The following PITPNA variants were observed in gnomAD, a reference collection of about 807,000 sequenced individuals.
The protein encoded by PITPNA is phosphatidylinositol transfer protein alpha.
Under a neutral mutation model 50.3 loss-of-function variants are expected in PITPNA, and 13 were observed. The observed-to-expected ratio is 0.26, with a 90% CI of 0.17 to 0.41. The LOEUF is 0.41. Ranked by LOEUF, PITPNA falls within the 10% of genes least tolerant of loss-of-function variation. The pLI, the probability that PITPNA is intolerant of heterozygous loss-of-function variation, is 1.00. For synonymous variants in PITPNA, 120 were observed against 119.6 expected (o/e 1.00, Z -0.02); for missense variants, 207 against 333.4 (o/e 0.62, Z 2.95).
intron 10 of PITPNA, among the ~76,000 whole-genome samples, chr17:1,522,751 C>T (rs1271101431): frequency 6.6e-6 from 1 of 152,232 alleles, no homozygotes; most frequent in East Asian, 1.9e-4. Context: ...GACCAGTTCT[C>T]TCCTCAAGGA....
intron 6 of PITPNA, among the ~76,000 whole-genome samples, chr17:1,541,259 G>A (rs1261253873): frequency 6.6e-6 from 1 of 152,060 alleles, no homozygotes; most frequent in African/African-American, 2.4e-5. Context: ...TTTATTTTTT[G>A]GGAGTTACTG....
Position 1,518,821 on chromosome 17 carries a change from TG to T in PITPNA, c.*1739del, listed in dbSNP as rs2075490686. 1 of 152,236 alleles carries T rather than the reference TG, an allele frequency of 6.6e-6. No individual in the cohort carries two copies. The highest frequency in any genetic ancestry group is 2.1e-4 in the South Asian group (1 of 4,832). The allele number at this position is 152,236 out of a possible 1,614,324, so 9.4% of individuals were successfully genotyped here. On this transcript the variant is annotated 3_prime_UTR_variant, in exon 12 of 12. Coordinates refer to ENST00000313486, the MANE Select transcript of PITPNA (RefSeq NM_006224.4). The stretch of plus-strand genomic sequence containing the variant: ...TAACACAGAGCTTATAGGAAAACAC[TG>T]ACATTTTTCTCCAGTAGGAATGCCT...
chr17:1,524,286 C>T (rs1269759916), intron 10 of PITPNA, among the ~76,000 whole-genome samples: 15 of 150,462 alleles, frequency 1.0e-4, no homozygotes, highest in East Asian at 9.9e-4. Flanking sequence ...CCTCATGATC[C>T]GCCCGCCTTG....
rs1340430399 is a variant in PITPNA at position 1,541,789 on chromosome 17, C to T, written c.298-149G>A. On this transcript the variant is annotated intron_variant, in intron 5 of 11. Coordinates refer to ENST00000313486, the MANE Select transcript of PITPNA (RefSeq NM_006224.4). Reference sequence around the variant, plus strand: ...TAATAACAGTTAACTTGACTGGGAGCCCACGACACACTAGGCATGTATTAT... The same window carrying T: ...TAATAACAGTTAACTTGACTGGGAGTCCACGACACACTAGGCATGTATTAT... 4.2e-6 allele frequency: 3 copies of T among 711,810 alleles called. No homozygotes were observed. The Admixed American group carries it at 6.0e-5, about 14-fold the overall frequency. 44.1% of individuals were successfully genotyped at this position (711,810 alleles called of 1,614,324 possible). A position where few individuals can be genotyped will look rare whatever the true frequency, so the allele number is the denominator to read the frequency against.
intron 10 of PITPNA, among the ~76,000 whole-genome samples, chr17:1,528,397 C>G (rs2075560477): frequency 6.6e-6 from 1 of 152,196 alleles, no homozygotes; most frequent in African/African-American, 2.4e-5. Flanking sequence ...CAACTTTAGC[C>G]TCCCAAAGTG....
intron 6 of PITPNA, among the ~76,000 whole-genome samples, chr17:1,541,349 A>C (rs2075646909): frequency 6.6e-6 from 1 of 152,176 alleles, no homozygotes; most frequent in South Asian, 2.1e-4. Context: ...CACCAATCCA[A>C]GCAGTACGAG....
intron 2 of PITPNA, among the ~76,000 whole-genome samples, chr17:1,557,980 C>T (rs887403344): frequency 6.6e-5 from 10 of 152,222 alleles, no homozygotes; most frequent in Admixed American, 2.6e-4. Context: ...CCTGTCATCC[C>T]AGCACTTTGG....
At chr17:1,545,367 C>G (rs886894435) in intron 4 of PITPNA, among the ~76,000 whole-genome samples, 2 of 152,248 alleles carry the variant, frequency 1.3e-5, no homozygotes, top group Non-Finnish European at 2.9e-5. Flanking sequence ...GCTAAGATGT[C>G]TGAACTAATA....
intron 10 of PITPNA, among the ~76,000 whole-genome samples, chr17:1,528,323 T>G (rs1202458915): frequency 6.6e-6 from 1 of 152,226 alleles, no homozygotes; most frequent in Non-Finnish European, 1.5e-5. Flanking sequence ...GTATTTTTAG[T>G]AGAGACGGGG....
rs780319321 is a variant in PITPNA at position 1,538,911 on chromosome 17, G to A, written c.414C>T (p.Ala138=). 3.1e-6 allele frequency: 5 copies of A among 1,613,558 alleles called. No individual in the cohort carries two copies. The South Asian group carries it at 3.3e-5, about 11-fold the overall frequency. Reference sequence around the variant, plus strand: ...TTCGATCTGCAATGTCTATATATACGGCTTCCACGTGTTTCCACGCCTCAG... The same window carrying A: ...TTCGATCTGCAATGTCTATATATACAGCTTCCACGTGTTTCCACGCCTCAG... ...LEPEAWKHVE[A]VYIDIADRSQ... The change falls in exon 7 of 12, where the codon GCC becomes GCT. Residue 138 remains alanine (A), a synonymous_variant. Transcript: ENST00000313486.
chr17:1,527,885 T>C (rs2075557237), intron 10 of PITPNA, among the ~76,000 whole-genome samples: 1 of 152,214 alleles, frequency 6.6e-6, no homozygotes, highest in South Asian at 2.1e-4. Context: ...AAAGGTTCGG[T>C]GCAGAAATGA....
At chr17:1,541,757 T>C (rs749773760) in intron 5 of PITPNA, 117 bp from the exon 6 acceptor site, 2 of 740,634 alleles carry the variant, frequency 2.7e-6, no homozygotes, top group South Asian at 3.0e-5. Flanking sequence ...TTCCAGCCTC[T>C]GCCTTGTAAT....
chr17:1,531,627 C>T (rs1002490374), intron 10 of PITPNA, among the ~76,000 whole-genome samples: 27 of 151,740 alleles, frequency 1.8e-4, no homozygotes, highest in African/African-American at 6.3e-4. Flanking sequence ...CGACGCCAAG[C>T]ACTCCAGCTT....
chr17:1,548,898 C>CT (rs774996921), intron 3 of PITPNA, among the ~76,000 whole-genome samples: 449 of 151,676 alleles, frequency 3.0e-3, no homozygotes, highest in African/African-American at 0.01. Flanking sequence ...CTACTCAATT[C>CT]TTTTTTTTTG....
At chr17:1,542,621 G>A (rs946694393) in intron 5 of PITPNA, among the ~76,000 whole-genome samples, 9 of 152,236 alleles carry the variant, frequency 5.9e-5, no homozygotes, top group African/African-American at 2.2e-4. Context: ...GGCTGTGGAA[G>A]AGAAACCCCG....
chr17:1,523,306 G>C (rs2075526044), intron 10 of PITPNA, among the ~76,000 whole-genome samples: 1 of 152,140 alleles, frequency 6.6e-6, no homozygotes, highest in African/African-American at 2.4e-5. Context: ...CAAATTTTGA[G>C]CACCTAAGAG....
chr17:1,544,656 G>T lies in PITPNA; in HGVS notation c.290-1629C>A, dbSNP rs548560158. On this transcript the variant is annotated intron_variant, in intron 4 of 11. Coordinates refer to ENST00000313486, the MANE Select transcript of PITPNA (RefSeq NM_006224.4). ...ATAAGGCATTTTAAATGCATGGCAG[G>T]GCCGGGCACGGTGGCTCCCGCCTGG... Among the ~76,000 whole-genome samples, 7 of 152,364 alleles carry T rather than the reference G, an allele frequency of 4.6e-5. No individual in the cohort carries two copies. In the East Asian group the frequency reaches 1.3e-3, roughly 29 times the overall value.
intron 10 of PITPNA, among the ~76,000 whole-genome samples, chr17:1,524,342 C>CG (rs2075534358): frequency 1.4e-5 from 2 of 139,560 alleles, no homozygotes; most frequent in African/African-American, 5.7e-5. Context: ...TCGCACCTGG[C>CG]CTTTTTTTTT....
At position 1,519,046 on chromosome 17, in the gene PITPNA, G is replaced by A. The variant is rs916570466; in HGVS notation, c.*1515C>T. 6.6e-6 allele frequency: 1 copy of A among 151,922 alleles called. No individual in the cohort carries two copies. Among genetic ancestry groups the A allele is most frequent in the Non-Finnish European group, 1.5e-5 (1 of 67,726 alleles). 9.4% of individuals were successfully genotyped at this position (151,922 alleles called of 1,614,324 possible). A position where few individuals can be genotyped will look rare whatever the true frequency, so the allele number is the denominator to read the frequency against. On this transcript the variant is annotated 3_prime_UTR_variant, in exon 12 of 12. Coordinates refer to ENST00000313486, the MANE Select transcript of PITPNA (RefSeq NM_006224.4). ...GAGTCTGTCCACCCTTGCCCCAGGA[G>A]GGCCACAGGGAAGCATCCATCAGGA...
Sources: gnomAD v4.1 joint callset for allele counts (sites outside exome capture counted in the v4.1 genomes callset) on GRCh38, gnomAD v4.1.1 for gene constraint, MANE v1.5 for transcripts, NCBI Gene and HGNC (gene_info 2026-07-23, HGNC 2026-07-21) for gene names.